The following ITLN2 variants were observed in gnomAD, a reference collection of about 807,000 sequenced individuals.
ITLN2 encodes intelectin-2.
Under a neutral mutation model 39.4 loss-of-function variants are expected in ITLN2, and 29 were observed. The observed-to-expected ratio is 0.74, with a 90% CI of 0.55 to 1.00. The LOEUF (loss-of-function observed/expected upper bound fraction) is 1.00, where lower values mean the gene tolerates loss of function less well. Ranked by LOEUF, ITLN2 falls within the 50% of genes least tolerant of loss-of-function variation. The pLI is 0.00. For missense variants in ITLN2, 412 were observed against 416.7 expected (o/e 0.99, Z 0.10); for synonymous variants, 156 against 153.4 (o/e 1.02, Z -0.12).
At position 160,950,087 on chromosome 1, in the gene ITLN2, T is replaced by C. The variant is rs1470744960; in HGVS notation, c.680A>G (p.Asp227Gly). ...PAIPVVYDFG[D>G]AKKTASYYSP... ...GTAATAAGATGCAGTCTTCTTAGCA[T>C]CACCAAAGTCATAGACCACAGGTAT... Residue 227 changes from aspartate (D) to glycine (G), a missense_variant, in exon 6 of 8, where the codon GAT (aspartate) becomes GGT (glycine). Asp to Gly is a moderately conservative substitution (Grantham distance 94). Transcript: ENST00000368029. The C allele has an allele frequency of 1.2e-6, 2 of 1,613,880 alleles. No individual in the cohort carries two copies. The highest frequency in any genetic ancestry group is 2.7e-5 in the African/African-American group (2 of 74,924).
Position 160,950,076 on chromosome 1 carries a change from T to C in ITLN2, c.691A>G (p.Thr231Ala), listed in dbSNP as rs1380548905. The change falls in exon 6 of 8, where the codon ACT becomes GCT. Residue 231 changes from threonine (T) to alanine (A), a missense_variant. Physicochemically the swap from Thr to Ala is moderately conservative, Grantham distance 58 (BLOSUM62 0). Transcript: ENST00000368029. ...CCATACGGTGAGTAATAAGATGCAG[T>C]CTTCTTAGCATCACCAAAGTCATAG... ...VVYDFGDAKK[T>A]ASYYSPYGQR... 1.9e-6 allele frequency: 3 copies of C among 1,613,926 alleles called. No individual in the cohort carries two copies. Among genetic ancestry groups the C allele is most frequent in the Non-Finnish European group, 2.5e-6 (3 of 1,179,836 alleles).
chr1:160,947,267 A>G (rs544811814), intron 7 of ITLN2, among the ~76,000 whole-genome samples: 1 of 152,352 alleles, frequency 6.6e-6, no homozygotes, highest in South Asian at 2.1e-4. Context: ...TCAGTGTAGC[A>G]AAGAGTATCA....
Position 160,947,976 on chromosome 1 carries a change from T to A in ITLN2, c.778A>T (p.Asn260Tyr). ...FRVFNNERAA[N>Y]ALCAGIKVTG... ...ACTTTTATCCCAGCACAAAGGGCGT[T>A]GGCTGCTCTCTCGTTATTAAACACC... Residue 260 changes from asparagine to tyrosine, a missense_variant, in exon 7 of 8, where the codon AAC (asparagine) becomes TAC (tyrosine). Asn to Tyr is a moderately radical substitution (Grantham distance 143). Coordinates refer to ENST00000368029, the MANE Select transcript of ITLN2 (RefSeq NM_080878.3). 6.2e-7 allele frequency: 1 copy of A among 1,614,112 alleles called. No individual in the cohort carries two copies. Among genetic ancestry groups the A allele is most frequent in the Non-Finnish European group, 8.5e-7 (1 of 1,180,026 alleles).
chr1:160,954,528 C>T (rs769681840), intron 1 of ITLN2, 78 bp from the exon 2 acceptor site: 1 of 1,320,284 alleles, frequency 7.6e-7, no homozygotes, highest in South Asian at 1.3e-5. Flanking sequence ...CCTAACCTTT[C>T]TGAGTCAGGA....
Position 160,952,644 on chromosome 1 carries a change from T to C in ITLN2, c.169A>G (p.Lys57Glu). 1 of 1,614,006 alleles carries C rather than the reference T, an allele frequency of 6.2e-7. No individual in the cohort carries two copies. The highest frequency in any genetic ancestry group is 8.5e-7 in the Non-Finnish European group (1 of 1,179,850). ...CCACCTGCACTATGGCAGCGTTCCT[T>C]GATTTCTTTGCAGCTTCTAGGCAGG... is the stretch of plus-strand genomic sequence containing the variant. Reference protein sequence around the residue: ...SSLPRSCKEIKERCHSAGDGL... With the variant: ...SSLPRSCKEIEERCHSAGDGL... The change falls in exon 3 of 8, where the codon AAG becomes GAG. Residue 57 changes from lysine to glutamate, a missense_variant. Transcript: ENST00000368029.
At chr1:160,950,204 A>G (rs775149044) in intron 5 of ITLN2, 38 bp from the exon 6 acceptor site, 5 of 1,608,764 alleles carry the variant, frequency 3.1e-6, no homozygotes, top group Non-Finnish European at 4.3e-6. Flanking sequence ...TGAGGACAGT[A>G]GAGATGCTGC....
rs1671731577 is a variant in ITLN2, at chr1:160,951,094, G to A, written c.390C>T (p.Ala130=). The A allele has an allele frequency of 6.2e-7, 1 of 1,614,172 alleles. No individual in the cohort carries two copies. Among genetic ancestry groups the A allele is most frequent in the Non-Finnish European group, 8.5e-7 (1 of 1,180,040 alleles). ...ADYPEGDGNW[A]NYNTFGSAEA... Reference sequence around the variant, plus strand: ...CTGCAGATCCAAAGGTGTTGTAGTTGGCCCAGTTGCCATCCCCCTCTGGGT... The same window carrying A: ...CTGCAGATCCAAAGGTGTTGTAGTTAGCCCAGTTGCCATCCCCCTCTGGGT... Residue 130 remains alanine, a synonymous_variant, in exon 4 of 8, where the codon GCC becomes GCT. Transcript: ENST00000368029.
At chr1:160,950,934 C>T (rs1423257574) in intron 4 of ITLN2, 109 bp downstream of exon 4, 1 of 1,586,400 alleles carries the variant, frequency 6.3e-7, no homozygotes, top group African/African-American at 1.3e-5. Flanking sequence ...CTCTCTTCTT[C>T]TCCAGCCCTT....
chr1:160,954,370 T>C lies in ITLN2; in HGVS notation c.79+17A>G. 6.4e-7 allele frequency: 1 copy of C among 1,551,982 alleles called. No homozygotes were observed. Among genetic ancestry groups the C allele is most frequent in the Non-Finnish European group, 8.8e-7 (1 of 1,142,224 alleles). Reference sequence around the variant, plus strand: ...GAGCCCAGGAAACTGCAGCTCCTACTCTCAGAAGCCATTTACCTGCACTGC... The same window carrying C: ...GAGCCCAGGAAACTGCAGCTCCTACCCTCAGAAGCCATTTACCTGCACTGC... On this transcript the variant is annotated intron_variant, in intron 2 of 7. Coordinates refer to ENST00000368029, the MANE Select transcript of ITLN2 (RefSeq NM_080878.3).
chr1:160,945,677 T>C (rs1430091197), intron 7 of ITLN2, among the ~76,000 whole-genome samples: 1 of 152,112 alleles, frequency 6.6e-6, no homozygotes. Context: ...ATGAAAAAGC[T>C]GAAAGCTGGG....
intron 5 of ITLN2, 122 bp from the exon 6 acceptor site, chr1:160,950,288 T>A: frequency 1.8e-6 from 2 of 1,100,086 alleles, no homozygotes; most frequent in Non-Finnish European, 2.7e-6. Context: ...AGTGACTGCT[T>A]TTCCCCATAG....
In ITLN2 at chr1:160,945,259, C is replaced by T; in HGVS notation, c.859G>A (p.Gly287Ser). ...CIGGGGFFPQ[G>S]KPRQCGDFSA... The stretch of plus-strand genomic sequence containing the variant: ...AAGTCCCCACACTGACGGGGTTTGC[C>T]CTGTGGGAAGAACCCTCCTCCACCG... Residue 287 changes from glycine to serine, a missense_variant, in exon 8 of 8, where the codon GGC (glycine) becomes AGC (serine). Physicochemically the swap from Gly to Ser is moderately conservative, Grantham distance 56. Coordinates refer to ENST00000368029, the MANE Select transcript of ITLN2 (RefSeq NM_080878.3). 6.3e-7 allele frequency: 1 copy of T among 1,590,552 alleles called. No homozygotes were observed.
At chr1:160,949,143 G>C (rs192989854) in intron 6 of ITLN2, 1 of 150,650 alleles carries the variant, frequency 6.6e-6, no homozygotes, top group African/African-American at 2.5e-5. Context: ...TGCTTTTGAC[G>C]TGCACATACA....
At position 160,950,109 on chromosome 1, in the gene ITLN2, G is replaced by T. The variant is rs774518807; in HGVS notation, c.658C>A (p.Pro220Thr). 2.5e-6 allele frequency: 4 copies of T among 1,613,252 alleles called. No homozygotes were observed. The highest frequency in any genetic ancestry group is 3.4e-6 in the Non-Finnish European group (4 of 1,179,202). The change falls in exon 6 of 8, where the codon CCT becomes ACT. Residue 220 changes from proline (P) to threonine (T), a missense_variant. Coordinates refer to ENST00000368029, the MANE Select transcript of ITLN2 (RefSeq NM_080878.3). ...GCATCACCAAAGTCATAGACCACAG[G>T]TATGGCTGGGCCATTGTCATTCCAA... ...KCWNDNGPAI[P>T]VVYDFGDAKK...
intron 5 of ITLN2, 22 bp from the exon 6 acceptor site, chr1:160,950,188 G>A (rs1308638660): frequency 6.2e-7 from 1 of 1,613,150 alleles, no homozygotes; most frequent in East Asian, 2.2e-5. Context: ...CAGAAGAAAG[G>A]TTTTGTGAGG....
intron 3 of ITLN2, among the ~76,000 whole-genome samples, chr1:160,951,709 GC>G (rs1671749606): frequency 6.6e-6 from 1 of 152,202 alleles, no homozygotes; most frequent in South Asian, 2.1e-4. Flanking sequence ...TCACAAGCTT[GC>G]AGGAGACTGG....
At position 160,945,301 on chromosome 1, in the gene ITLN2, C is replaced by G; in HGVS notation, c.826-9G>C. The G allele has an allele frequency of 1.3e-6, 2 of 1,539,314 alleles. No homozygotes were observed. The highest frequency in any genetic ancestry group is 1.7e-6 in the Non-Finnish European group (2 of 1,153,414). On this transcript the variant is annotated splice_polypyrimidine_tract_variant and intron_variant, in intron 7 of 7. Transcript: ENST00000368029. ...CCTCCACCGATGCAGTGCTGGGAAA[C>G]AGAAAGAAGAAACACTGTGAGGAAT...
At chr1:160,952,817 C>T (rs41267945) in intron 2 of ITLN2, 84 bp from the exon 3 acceptor site, 49,846 of 965,494 alleles carry the variant, frequency 0.052, 1,626 homozygotes, top group Middle Eastern at 0.065. Context: ...TGTATCAACT[C>T]ATCACTCTGC....
chr1:160,951,216 C>T lies in ITLN2; in HGVS notation c.268G>A (p.Gly90Ser), dbSNP rs368397499. 1.1e-5 allele frequency: 18 copies of T among 1,613,428 alleles called. No homozygotes were observed. The highest frequency in any genetic ancestry group is 6.6e-5 in the South Asian group (6 of 91,004). ...TFCDMTSGGG[G>S]WTLVASVHEN... is the part of the protein sequence containing the mutation. ...TGCACGCTGGCCACCAGGGTCCAGCCGCCACCCCCAGAAGTCATGTCACAG... is the reference window on the plus strand; with the variant it reads ...TGCACGCTGGCCACCAGGGTCCAGCTGCCACCCCCAGAAGTCATGTCACAG... Residue 90 changes from glycine to serine, a missense_variant, in exon 4 of 8, where the codon GGC (glycine) becomes AGC (serine). Gly to Ser is a moderately conservative substitution (Grantham distance 56, BLOSUM62 0). Transcript: ENST00000368029.
Sources: gnomAD v4.1 joint callset for allele counts (sites outside exome capture counted in the v4.1 genomes callset) on GRCh38, gnomAD v4.1.1 for gene constraint, MANE v1.5 for transcripts, NCBI Gene and HGNC (gene_info 2026-07-23, HGNC 2026-07-21) for gene names.